HFM1: variants seen among roughly 807,000 people sequenced by gnomAD.
HFM1 encodes helicase for meiosis 1, also known as probable ATP-dependent DNA helicase HFM1.
Under a neutral mutation model 192.1 loss-of-function variants are expected in HFM1, and 169 were observed. That is an observed-to-expected ratio of 0.88 (90% CI 0.78 to 1.00). The LOEUF (loss-of-function observed/expected upper bound fraction) is 1.00. Ranked by LOEUF, HFM1 falls within the 50% of genes least tolerant of loss-of-function variation. The pLI is 0.00. For missense variants in HFM1, 1,661 were observed against 1,668.0 expected, an observed-to-expected ratio of 1.00 and a Z score of 0.07; for synonymous variants, 525 against 537.8, an observed-to-expected ratio of 0.98 and a Z score of 0.33.
chr1:91,400,216 A>G (rs1664138332), intron 2 of HFM1, among the ~76,000 whole-genome samples: 1 of 152,242 alleles, frequency 6.6e-6, no homozygotes, highest in Admixed American at 6.5e-5. Context: ...ATGAAAATCC[A>G]TAAAAGCCAG....
At chr1:91,389,699 T>C (rs1387089697) in intron 4 of HFM1, among the ~76,000 whole-genome samples, 13 of 152,170 alleles carry the variant, frequency 8.5e-5, no homozygotes, top group Non-Finnish European at 8.8e-5. Flanking sequence ...ATCTACAGTA[T>C]TTCATTATAC....
chr1:91,289,980 T>C (rs1187321672), intron 30 of HFM1, among the ~76,000 whole-genome samples: 1 of 152,002 alleles, frequency 6.6e-6, no homozygotes, highest in Admixed American at 6.5e-5. Flanking sequence ...AATAAAATCC[T>C]TTACAGACAA....
intron 30 of HFM1, among the ~76,000 whole-genome samples, chr1:91,282,755 G>A (rs1667574513): frequency 6.7e-6 from 1 of 150,100 alleles, no homozygotes; most frequent in Non-Finnish European, 1.5e-5. Context: ...AGGAACCTTT[G>A]TTTTGAGGTG....
chr1:91,387,027 T>C (rs1231581233), intron 4 of HFM1, among the ~76,000 whole-genome samples: 1 of 152,250 alleles, frequency 6.6e-6, no homozygotes, highest in Non-Finnish European at 1.5e-5. Context: ...TACTGTATTA[T>C]ATTTGATCAA....
At chr1:91,388,174 T>C (rs1048336228) in intron 4 of HFM1, among the ~76,000 whole-genome samples, 1 of 152,094 alleles carries the variant, frequency 6.6e-6, no homozygotes, top group Admixed American at 6.6e-5. Flanking sequence ...GTAAGTAAAG[T>C]GTTTCCCTTA....
chr1:91,341,450 T>C (rs749504337), intron 20 of HFM1, among the ~76,000 whole-genome samples: 1 of 152,042 alleles, frequency 6.6e-6, no homozygotes, highest in Non-Finnish European at 1.5e-5. Context: ...CAGAGAAAAG[T>C]TTATGGCACT....
chr1:91,306,345 A>G (rs1266825407), intron 30 of HFM1, among the ~76,000 whole-genome samples: 1 of 152,216 alleles, frequency 6.6e-6, no homozygotes, highest in African/African-American at 2.4e-5. Flanking sequence ...AAACAAAAAC[A>G]AAACAAAACA....
intron 20 of HFM1, among the ~76,000 whole-genome samples, chr1:91,329,847 G>C (rs9868): frequency 4.6e-5 from 7 of 152,190 alleles, no homozygotes; most frequent in Non-Finnish European, 1.0e-4. Flanking sequence ...AAAAGGGGGA[G>C]ACAAAAGATG....
chr1:91,332,120 G>A (rs533867926), intron 20 of HFM1, among the ~76,000 whole-genome samples: 49 of 152,068 alleles, frequency 3.2e-4, no homozygotes, highest in Non-Finnish European at 5.6e-4. Flanking sequence ...AATTTATATG[G>A]AACTACAAAA....
chr1:91,262,709 G>T (rs982720415), intron 36 of HFM1, 117 bp from the exon 37 acceptor site: 4 of 621,256 alleles, frequency 6.4e-6, no homozygotes, highest in Non-Finnish European at 1.1e-5. Flanking sequence ...TCACAAAAAT[G>T]TAATGCATTG....
intron 30 of HFM1, among the ~76,000 whole-genome samples, chr1:91,283,201 G>A (rs560630194): frequency 6.6e-6 from 1 of 152,248 alleles, no homozygotes; most frequent in African/African-American, 2.4e-5. Flanking sequence ...TAAGCTTACA[G>A]ATATTGGTAA....
chr1:91,385,373 A>C (rs1360838327), intron 5 of HFM1, 139 bp from the exon 6 acceptor site: 4 of 754,628 alleles, frequency 5.3e-6, no homozygotes, highest in Non-Finnish European at 6.5e-6. Context: ...TTGAGAGCAA[A>C]GTTAAAAATA....
At chr1:91,281,593 G>C (rs991762181) in intron 30 of HFM1, among the ~76,000 whole-genome samples, 10 of 152,200 alleles carry the variant, frequency 6.6e-5, no homozygotes, top group Non-Finnish European at 8.8e-5. Flanking sequence ...AACTGCCTAA[G>C]AAAGGATGTA....
In HFM1 at chr1:91,387,263, C is replaced by T. The variant is rs557954805; in HGVS notation, c.495-1429G>A. On this transcript the variant is annotated intron_variant, in intron 4 of 38. Coordinates refer to ENST00000370425, the MANE Select transcript of HFM1 (RefSeq NM_001017975.6). The stretch of plus-strand genomic sequence containing the variant: ...CCCTATTAGTGGGTGAACAATCCAA[C>T]GCTTGGTGAATTCTGCTTCACAATG... 2.7e-4 allele frequency among the ~76,000 whole-genome samples: 41 copies of T among 152,012 alleles called. No individual in the cohort carries two copies. In the South Asian group the frequency reaches 7.3e-3, roughly 27 times the overall value.
At chr1:91,344,534 G>A (rs950812137) in intron 19 of HFM1, among the ~76,000 whole-genome samples, 2 of 152,086 alleles carry the variant, frequency 1.3e-5, no homozygotes, top group Non-Finnish European at 2.9e-5. Context: ...GTTTACAGCA[G>A]TTAACAAGAT....
chr1:91,407,429 T>G (rs751010105), upstream of HFM1, among the ~76,000 whole-genome samples: 5 of 152,188 alleles, frequency 3.3e-5, no homozygotes, highest in Non-Finnish European at 7.3e-5. Flanking sequence ...CCTGGTAACC[T>G]CTATTCTACT....
chr1:91,372,553 C>G (rs1660372592), intron 13 of HFM1, among the ~76,000 whole-genome samples: 1 of 152,004 alleles, frequency 6.6e-6, no homozygotes, highest in African/African-American at 2.4e-5. Flanking sequence ...CACATGGACA[C>G]AGGAAGGGGA....
chr1:91,385,597 A>G lies in HFM1; in HGVS notation c.732T>C (p.Ala244=), dbSNP rs764845210. ...GMFKAPSFSV[A]FQPHDIQEVT... ...TACCTTGAATATCATGAGGTTGGAA[A>G]GCAACTGAAAAAGATGGTGCTTTGA... is the stretch of plus-strand genomic sequence containing the variant. Residue 244 remains alanine (A), a synonymous_variant, in exon 5 of 39, where the codon GCT becomes GCC. Coordinates refer to ENST00000370425, the MANE Select transcript of HFM1 (RefSeq NM_001017975.6). 6.2e-7 allele frequency: 1 copy of G among 1,612,660 alleles called. No homozygotes were observed. Among genetic ancestry groups the G allele is most frequent in the Non-Finnish European group, 8.5e-7 (1 of 1,178,918 alleles).
intron 20 of HFM1, chr1:91,328,896 T>C (rs1653354078): frequency 6.2e-7 from 1 of 1,610,940 alleles, no homozygotes; most frequent in East Asian, 2.2e-5. Flanking sequence ...GCTGGCAAAG[T>C]CTATCCTGTG....
Sources: allele counts gnomAD v4.1 joint callset (sites outside exome capture counted in the v4.1 genomes callset), GRCh38; gene constraint gnomAD v4.1.1; transcripts MANE v1.5; gene names NCBI Gene and HGNC (gene_info 2026-07-23, HGNC 2026-07-21).